MYO5B: variants seen among roughly 807,000 people sequenced by gnomAD.
MYO5B encodes myosin VB, also known as unconventional myosin-Vb.
A neutral mutation model predicts 229.3 loss-of-function variants in MYO5B; 143 were observed. The ratio of observed to expected loss-of-function variants is 0.62; its 90% CI spans 0.54 to 0.72. The LOEUF (loss-of-function observed/expected upper bound fraction) is 0.72, where lower values mean the gene tolerates loss of function less well. Among genes scored for constraint, MYO5B ranks in the 30% least tolerant of loss-of-function variants. The pLI is 0.00. For missense variants in MYO5B, 2,321 were observed against 2,331.0 expected, an observed-to-expected ratio of 1.00 and a Z score of 0.09; for synonymous variants, 918 against 885.2, an observed-to-expected ratio of 1.04 and a Z score of -0.66.
intron 4 of MYO5B, among the ~76,000 whole-genome samples, chr18:50,010,612 T>C (rs2026151334): frequency 6.6e-6 from 1 of 152,238 alleles, no homozygotes; most frequent in Non-Finnish European, 1.5e-5. Flanking sequence ...GAACTGCTAA[T>C]GTCCAAAATA....
chr18:50,041,276 G>T (rs1328273083), intron 2 of MYO5B, among the ~76,000 whole-genome samples: 1 of 152,110 alleles, frequency 6.6e-6, no homozygotes, highest in African/African-American at 2.4e-5. Context: ...CATATTTTAA[G>T]AATTTCTGTT....
chr18:49,851,987 C>CCCT lies in MYO5B; in HGVS notation c.4221+1459_4221+1461dup, dbSNP rs150832122. Among the ~76,000 whole-genome samples, 205 of 151,830 alleles carry CCCT rather than the reference C, an allele frequency of 1.4e-3. 1 individual carries two copies. The highest frequency in any genetic ancestry group is 1.7e-3 in the South Asian group (8 of 4,810). The stretch of plus-strand genomic sequence containing the variant: ...TCTCTCAGCAGGCTGCAAACTGGAG[C>CCCT]CCTCCTCCTCCTCCTCCTCCTTGCC... On this transcript the variant is annotated intron_variant, in intron 31 of 39. Coordinates refer to ENST00000285039, the MANE Select transcript of MYO5B (RefSeq NM_001080467.3).
chr18:49,911,963 A>C, intron 18 of MYO5B, 99 bp downstream of exon 18: 1 of 888,388 alleles, frequency 1.1e-6, no homozygotes, highest in East Asian at 2.4e-5. Flanking sequence ...TTCAGTAAGA[A>C]GGATGAAGAC....
At chr18:50,001,856 C>T (rs951849563) in intron 4 of MYO5B, among the ~76,000 whole-genome samples, 1 of 151,976 alleles carries the variant, frequency 6.6e-6, no homozygotes, top group African/African-American at 2.4e-5. Flanking sequence ...ATGGTGAAAC[C>T]CTGTCTCTAC....
chr18:49,977,304 T>C (rs1028894950), intron 9 of MYO5B, among the ~76,000 whole-genome samples: 1 of 152,174 alleles, frequency 6.6e-6, no homozygotes, highest in Non-Finnish European at 1.5e-5. Context: ...CCCATATTGC[T>C]AAATTCAAGA....
At chr18:49,877,737 A>G in intron 25 of MYO5B, 26 bp downstream of exon 25, 1 of 1,613,538 alleles carries the variant, frequency 6.2e-7, no homozygotes, top group Non-Finnish European at 8.5e-7. Flanking sequence ...GGAGGAGGAC[A>G]GTACCCAAGA....
intron 22 of MYO5B, among the ~76,000 whole-genome samples, chr18:49,891,740 C>T (rs1331497580): frequency 3.3e-5 from 5 of 152,182 alleles, no homozygotes; most frequent in Admixed American, 3.3e-4. Flanking sequence ...CTATGAGAGC[C>T]CCCATTCCCC....
rs756320306 is a variant in MYO5B at position 49,853,483 on chromosome 18, T to C, written c.4187A>G (p.Gln1396Arg). ...SPEAQVEFGVQQEISRLTNEN... is the reference protein window; with the variant it reads ...SPEAQVEFGVRQEISRLTNEN... ...GTTGGTCAGCCGGGATATTTCCTGCTGAACGCCGAATTCCACCTGGGCCTC... is the reference window on the plus strand; with the variant it reads ...GTTGGTCAGCCGGGATATTTCCTGCCGAACGCCGAATTCCACCTGGGCCTC... The change falls in exon 31 of 40, where the codon CAG becomes CGG. Residue 1396 changes from glutamine (Q) to arginine (R), a missense_variant. Gln to Arg is a conservative substitution (Grantham distance 43). Coordinates refer to ENST00000285039, the MANE Select transcript of MYO5B (RefSeq NM_001080467.3). 1 of 1,614,186 alleles carries C rather than the reference T, an allele frequency of 6.2e-7. No individual in the cohort carries two copies. The highest frequency in any genetic ancestry group is 1.1e-5 in the South Asian group (1 of 91,080).
chr18:49,907,480 G>A (rs1033981195), intron 18 of MYO5B, among the ~76,000 whole-genome samples: 1 of 152,156 alleles, frequency 6.6e-6, no homozygotes, highest in Non-Finnish European at 1.5e-5. Flanking sequence ...GGTTCCTGTG[G>A]ACAAGCCTGG....
chr18:50,118,453 A>G lies in MYO5B; in HGVS notation c.28-63075T>C, dbSNP rs113311527. On this transcript the variant is annotated intron_variant, in intron 1 of 39. Coordinates refer to ENST00000285039, the MANE Select transcript of MYO5B (RefSeq NM_001080467.3). ...GGTTAGTAGTTCATATGCATGCCCA[A>G]ATTTGACAGTCTCCTGAAGGGCTTA... Among the ~76,000 whole-genome samples, 1,314 of 152,254 alleles carry G rather than the reference A, an allele frequency of 8.6e-3. 20 individuals carry two copies. Among genetic ancestry groups the G allele is most frequent in the African/African-American group, 0.03 (1,243 of 41,544 alleles).
chr18:49,952,295 A>C (rs2025438664), intron 14 of MYO5B, among the ~76,000 whole-genome samples: 1 of 152,304 alleles, frequency 6.6e-6, no homozygotes, highest in African/African-American at 2.4e-5. Context: ...CAGTGAGTTC[A>C]GTATCATGTG....
chr18:50,136,277 G>A (rs183427275), intron 1 of MYO5B, among the ~76,000 whole-genome samples: 2 of 151,996 alleles, frequency 1.3e-5, no homozygotes, highest in East Asian at 3.9e-4. Context: ...GCCACGTTAG[G>A]GTCTAAGATA....
At chr18:49,953,894 A>ATGTG (rs71169463) in intron 13 of MYO5B, among the ~76,000 whole-genome samples, 2,811 of 108,424 alleles carry the variant, frequency 0.026, 100 homozygotes, top group African/African-American at 0.06. Flanking sequence ...ATATACATAT[A>ATGTG]TGTGTGTGTG....
chr18:50,029,902 C>T (rs2026369552), intron 4 of MYO5B, among the ~76,000 whole-genome samples: 2 of 152,176 alleles, frequency 1.3e-5, no homozygotes, highest in African/African-American at 4.8e-5. Flanking sequence ...ATCAGCATGA[C>T]CACATTCTCT....
At chr18:49,912,773 C>T (rs1305113160) in intron 17 of MYO5B, among the ~76,000 whole-genome samples, 1 of 152,210 alleles carries the variant, frequency 6.6e-6, no homozygotes, top group Non-Finnish European at 1.5e-5. Context: ...ATTACCCAGT[C>T]TCGATTATGT....
intron 14 of MYO5B, among the ~76,000 whole-genome samples, chr18:49,939,271 C>G (rs2954241): frequency 0.51 from 77,557 of 151,154 alleles, 20,486 homozygotes; most frequent in Middle Eastern, 0.71. Context: ...TCAGTGTCCC[C>G]AGTAGCTGGG....
chr18:49,979,797 T>C (rs1242500665), intron 9 of MYO5B, among the ~76,000 whole-genome samples: 1 of 152,192 alleles, frequency 6.6e-6, no homozygotes, highest in African/African-American at 2.4e-5. Context: ...CCCAACACCA[T>C]TAAATTCCAG....
At chr18:50,073,718 T>C (rs950039523) in intron 1 of MYO5B, among the ~76,000 whole-genome samples, 1 of 152,108 alleles carries the variant, frequency 6.6e-6, no homozygotes, top group African/African-American at 2.4e-5. Flanking sequence ...AAAGCCAAAA[T>C]TGAGCCCCTG....
chr18:50,078,787 C>A (rs929612581), intron 1 of MYO5B, among the ~76,000 whole-genome samples: 1 of 151,978 alleles, frequency 6.6e-6, no homozygotes, highest in Non-Finnish European at 1.5e-5. Context: ...AAGACAAGTA[C>A]AAGACTATGC....
Sources: gnomAD v4.1 joint callset for allele counts (sites outside exome capture counted in the v4.1 genomes callset) on GRCh38, gnomAD v4.1.1 for gene constraint, MANE v1.5 for transcripts, NCBI Gene and HGNC (gene_info 2026-07-23, HGNC 2026-07-21) for gene names.